The following GALNT9 variants were observed in gnomAD, a reference collection of about 807,000 sequenced individuals.
GALNT9 encodes the protein polypeptide N-acetylgalactosaminyltransferase 9.
A neutral mutation model predicts 63.1 loss-of-function variants in GALNT9; 47 were observed. The observed-to-expected ratio is 0.75, with a 90% CI of 0.59 to 0.95. GALNT9 has a LOEUF of 0.95. Among genes scored for constraint, GALNT9 ranks in the 40% least tolerant of loss-of-function variants. The probability of loss-of-function intolerance (pLI) is 0.00; values close to 1 mark genes in which losing one functional copy is unlikely to be tolerated. For synonymous variants in GALNT9, 396 were observed against 365.7 expected (o/e 1.08, Z -0.94); for missense variants, 829 against 874.8 (o/e 0.95, Z 0.66).
At chr12:132,244,966 G>A (rs984656969) in intron 6 of GALNT9, among the ~76,000 whole-genome samples, 1 of 151,362 alleles carries the variant, frequency 6.6e-6, no homozygotes, top group Non-Finnish European at 1.5e-5. Context: ...CAAGCCCCCA[G>A]GACGGGAGAG....
chr12:132,219,714 C>T lies in GALNT9; in HGVS notation c.1078-16024G>A, dbSNP rs542004049. Among the ~76,000 whole-genome samples, 254 of 137,368 alleles carry T rather than the reference C, an allele frequency of 1.8e-3. 2 individuals carry two copies. The highest frequency in any genetic ancestry group is 1.2e-3 in the Non-Finnish European group (77 of 62,952). 90.1% of individuals were successfully genotyped at this position (137,368 alleles called of 152,430 possible). A position where few individuals can be genotyped will look rare whatever the true frequency, so the allele number is the denominator to read the frequency against. Reference sequence around the variant, plus strand: ...CACCCGCCCGGGTAAGGGGAAGGGACACCTCCCCAGGGTGACACCCGCCCG... The same window carrying T: ...CACCCGCCCGGGTAAGGGGAAGGGATACCTCCCCAGGGTGACACCCGCCCG... On this transcript the variant is annotated intron_variant, in intron 6 of 10. Transcript: ENST00000328957.
intron 6 of GALNT9, among the ~76,000 whole-genome samples, chr12:132,215,202 G>A (rs1760325576): frequency 6.6e-6 from 1 of 152,258 alleles, no homozygotes; most frequent in Non-Finnish European, 1.5e-5. Flanking sequence ...TCGGGGCCCT[G>A]CCTGGAGCCC....
intron 1 of GALNT9, among the ~76,000 whole-genome samples, chr12:132,309,809 G>T (rs1555245009): frequency 6.6e-6 from 1 of 152,226 alleles, no homozygotes; most frequent in Non-Finnish European, 1.5e-5. Context: ...CGCACAGGAG[G>T]GCAGAGAAAG....
At chr12:132,321,670 C>T (rs1238478059) in intron 1 of GALNT9, among the ~76,000 whole-genome samples, 1 of 152,150 alleles carries the variant, frequency 6.6e-6, no homozygotes, top group Non-Finnish European at 1.5e-5. Flanking sequence ...TCTCTCCTGG[C>T]AGCTCCTTCT....
intron 6 of GALNT9, among the ~76,000 whole-genome samples, chr12:132,244,187 G>T (rs1188466824): frequency 7.0e-6 from 1 of 141,946 alleles, no homozygotes; most frequent in Non-Finnish European, 1.5e-5. Flanking sequence ...GCACAAGGTG[G>T]GAGGAGGGAA....
intron 1 of GALNT9, among the ~76,000 whole-genome samples, chr12:132,297,945 A>G (rs1371816068): frequency 6.6e-6 from 1 of 151,884 alleles, no homozygotes; most frequent in African/African-American, 2.4e-5. Flanking sequence ...TCCCACAATA[A>G]TCAACTCACT....
intron 5 of GALNT9, among the ~76,000 whole-genome samples, chr12:132,251,102 C>T (rs1555238503): frequency 1.3e-5 from 2 of 152,212 alleles, no homozygotes; most frequent in Non-Finnish European, 2.9e-5. Context: ...GTGCAAGACC[C>T]AAGCGGTGAC....
At chr12:132,293,922 C>A (rs1880955836) in intron 1 of GALNT9, among the ~76,000 whole-genome samples, 1 of 152,100 alleles carries the variant, frequency 6.6e-6, no homozygotes. Context: ...GGGACCCCAT[C>A]TACAGTCGGA....
At chr12:132,266,333 T>C (rs1555240199) in intron 2 of GALNT9, among the ~76,000 whole-genome samples, 1 of 152,264 alleles carries the variant, frequency 6.6e-6, no homozygotes, top group African/African-American at 2.4e-5. Flanking sequence ...GACAAACTTC[T>C]TTGCCTACTT....
chr12:132,206,646 C>CAAA (rs34047036), intron 6 of GALNT9, among the ~76,000 whole-genome samples: 106 of 135,704 alleles, frequency 7.8e-4, no homozygotes, highest in South Asian at 1.7e-3. Context: ...GACTCCGTCT[C>CAAA]AAAAAAAAAA....
At chr12:132,323,515 G>A (rs1211602581) in intron 1 of GALNT9, among the ~76,000 whole-genome samples, 1 of 152,262 alleles carries the variant, frequency 6.6e-6, no homozygotes, top group Non-Finnish European at 1.5e-5. Context: ...TGGTCAGATG[G>A]GGTCAAAATC....
chr12:132,243,436 C>G (rs1555237682), intron 6 of GALNT9, among the ~76,000 whole-genome samples: 2 of 98,522 alleles, frequency 2.0e-5, no homozygotes, highest in Admixed American at 1.1e-4. Flanking sequence ...TTCCGGAGCT[C>G]TCTCTCTCTG....
At chr12:132,292,094 A>G (rs1343943907) in intron 1 of GALNT9, among the ~76,000 whole-genome samples, 1 of 152,064 alleles carries the variant, frequency 6.6e-6, no homozygotes, top group Non-Finnish European at 1.5e-5. Flanking sequence ...ACCTGAAGCC[A>G]TTCCCGGTGA....
chr12:132,266,654 T>C (rs111681195), intron 2 of GALNT9, among the ~76,000 whole-genome samples: 10,088 of 152,218 alleles, frequency 0.066, 1,104 homozygotes, highest in African/African-American at 0.23. Context: ...GATCTTGGGG[T>C]CTGCCCTCCA....
At chr12:132,230,210 C>A (rs1877839772) in intron 6 of GALNT9, among the ~76,000 whole-genome samples, 1 of 152,202 alleles carries the variant, frequency 6.6e-6, no homozygotes, top group Admixed American at 6.5e-5. Context: ...AGTCCACGCA[C>A]CCCCTGCCAT....
Position 132,237,155 on chromosome 12 carries a change from G to C in GALNT9, c.1077+10755C>G, listed in dbSNP as rs2136895229. Among the ~76,000 whole-genome samples the C allele has an allele frequency of 3.9e-5, 6 of 152,204 alleles. No homozygotes were observed. The East Asian group carries it at 7.7e-4, about 20-fold the overall frequency. ...GCTGTGCAGGCAGTGTGGGACCCAGGGCTGGTTGGCTGTGTCCTGACCTGG... is the reference window on the plus strand; with the variant it reads ...GCTGTGCAGGCAGTGTGGGACCCAGCGCTGGTTGGCTGTGTCCTGACCTGG... On this transcript the variant is annotated intron_variant, in intron 6 of 10. Coordinates refer to ENST00000328957, the MANE Select transcript of GALNT9 (RefSeq NM_001122636.2).
In GALNT9 at chr12:132,304,679, G is replaced by A. The variant is rs547852613; in HGVS notation, c.239-18249C>T. Among the ~76,000 whole-genome samples the A allele has an allele frequency of 2.9e-4, 12 of 40,728 alleles. 3 individuals are homozygous for A. The highest frequency in any genetic ancestry group is 5.4e-4 in the Non-Finnish European group (12 of 22,198). The allele number at this position is 40,728 out of a possible 152,430, so 26.7% of individuals were successfully genotyped here. ...CCCTCACCCGGGCACAGCCTCGCCCGGGCACACCCTCGCCCAGACACACCC... is the reference window on the plus strand; with the variant it reads ...CCCTCACCCGGGCACAGCCTCGCCCAGGCACACCCTCGCCCAGACACACCC... On this transcript the variant is annotated intron_variant, in intron 1 of 10. Coordinates refer to ENST00000328957, the MANE Select transcript of GALNT9 (RefSeq NM_001122636.2).
At chr12:132,241,967 C>T (rs1878402945) in intron 6 of GALNT9, among the ~76,000 whole-genome samples, 1 of 64,006 alleles carries the variant, frequency 1.6e-5, no homozygotes, top group African/African-American at 9.1e-5. Flanking sequence ...ACCCATTACA[C>T]ACACAACACA....
intron 2 of GALNT9, among the ~76,000 whole-genome samples, chr12:132,263,859 G>C (rs1356667670): frequency 6.6e-6 from 1 of 152,156 alleles, no homozygotes; most frequent in East Asian, 1.9e-4. Context: ...TGGCCTCTGG[G>C]GGACAGTGGT....
Sources: allele counts gnomAD v4.1 joint callset (sites outside exome capture counted in the v4.1 genomes callset), GRCh38; gene constraint gnomAD v4.1.1; transcripts MANE v1.5; gene names NCBI Gene and HGNC (gene_info 2026-07-23, HGNC 2026-07-21).